The following PRIM1 variants were observed in gnomAD, a reference collection of about 807,000 sequenced individuals.
PRIM1 encodes DNA primase small subunit.
PRIM1 carries 38 observed loss-of-function variants against 60.2 expected under a neutral mutation model. The ratio of observed to expected loss-of-function variants is 0.63; its 90% CI spans 0.49 to 0.83. The LOEUF is 0.83. Among genes scored for constraint, PRIM1 ranks in the 40% least tolerant of loss-of-function variants. The pLI, the probability that PRIM1 is intolerant of heterozygous loss-of-function variation, is 0.00. For missense variants in PRIM1, 388 were observed against 506.2 expected (o/e 0.77, Z 2.24); for synonymous variants, 158 against 160.2 (o/e 0.99, Z 0.10).
intron 7 of PRIM1, 78 bp downstream of exon 7, chr12:56,742,909 A>C: frequency 9.3e-7 from 1 of 1,071,140 alleles, no homozygotes; most frequent in Non-Finnish European, 1.3e-6. Context: ...GAGAACTTAC[A>C]AGCAGACATG....
intron 12 of PRIM1, 83 bp from the exon 13 acceptor site, chr12:56,731,817 A>G (rs1953787334): frequency 8.7e-7 from 1 of 1,148,990 alleles, no homozygotes; most frequent in Non-Finnish European, 1.2e-6. Context: ...TTTTTGCCTA[A>G]TGCTTCTATT....
intron 2 of PRIM1, among the ~76,000 whole-genome samples, chr12:56,750,007 G>T (rs1953935033): frequency 2.0e-5 from 3 of 152,150 alleles, no homozygotes; most frequent in African/African-American, 7.2e-5. Flanking sequence ...TCACTGAGAA[G>T]GTGCTATTTG....
At chr12:56,748,007 GA>G (rs561458889) in intron 2 of PRIM1, among the ~76,000 whole-genome samples, 213 of 146,400 alleles carry the variant, frequency 1.5e-3, no homozygotes, top group African/African-American at 2.9e-3. Context: ...TTGACTGAAG[GA>G]AAAAAAAAAG....
chr12:56,732,534 C>T (rs1428394007), intron 12 of PRIM1, among the ~76,000 whole-genome samples: 1 of 152,132 alleles, frequency 6.6e-6, no homozygotes, highest in Non-Finnish European at 1.5e-5. Context: ...CATGGCATTC[C>T]CTTCCTCAGA....
At chr12:56,742,558 A>G (rs112729296) in intron 7 of PRIM1, among the ~76,000 whole-genome samples, 1 of 152,104 alleles carries the variant, frequency 6.6e-6, no homozygotes, top group Non-Finnish European at 1.5e-5. Flanking sequence ...GCAACACAGT[A>G]TAAGACTCCG....
intron 2 of PRIM1, among the ~76,000 whole-genome samples, chr12:56,748,618 C>A (rs1466355736): frequency 6.8e-6 from 1 of 146,588 alleles, no homozygotes; most frequent in African/African-American, 2.5e-5. Flanking sequence ...CAGAGCGAGA[C>A]TCTGTCTCAA....
At chr12:56,731,980 C>G (rs1387710461) in intron 12 of PRIM1, among the ~76,000 whole-genome samples, 4 of 152,180 alleles carry the variant, frequency 2.6e-5, no homozygotes, top group Admixed American at 2.6e-4. Context: ...AGTTGTTGTT[C>G]ATCCAATAAT....
chr12:56,742,135 C>T (rs1953876870), intron 7 of PRIM1: 1 of 351,676 alleles, frequency 2.8e-6, no homozygotes, highest in Non-Finnish European at 5.4e-6. Context: ...CATCTGTAAT[C>T]CTAGCTACTC....
rs781689934 is a variant in PRIM1 at position 56,746,201 on chromosome 12, T to C, written c.443-20A>G. On this transcript the variant is annotated intron_variant, in intron 4 of 12. Coordinates refer to ENST00000338193, the MANE Select transcript of PRIM1 (RefSeq NM_000946.3). ...AGTCCTCTGAGGAAGAGAGAAATAA[T>C]AGGTTTTAAAACAAATCTATAAACT... is the stretch of plus-strand genomic sequence containing the variant. The C allele has an allele frequency of 1.2e-6, 2 of 1,604,396 alleles. No homozygotes were observed. The highest frequency in any genetic ancestry group is 1.7e-6 in the Non-Finnish European group (2 of 1,175,186).
chr12:56,745,110 A>C (rs1289556056), intron 5 of PRIM1, among the ~76,000 whole-genome samples: 1 of 151,648 alleles, frequency 6.6e-6, no homozygotes, highest in Non-Finnish European at 1.5e-5. Flanking sequence ...CCGTCTCAAA[A>C]AAAAAAAAAA....
At chr12:56,746,393 G>A (rs1190949344) in intron 4 of PRIM1, 3 of 700,078 alleles carry the variant, frequency 4.3e-6, no homozygotes, top group Middle Eastern at 2.5e-4. Context: ...AGCACTCTGG[G>A]AGGCCGAGGT....
At chr12:56,732,113 T>C (rs1295576916) in intron 12 of PRIM1, among the ~76,000 whole-genome samples, 4 of 152,226 alleles carry the variant, frequency 2.6e-5, no homozygotes, top group Non-Finnish European at 5.9e-5. Flanking sequence ...GTCACAGTTT[T>C]CTAGAGTAGC....
Position 56,732,384 on chromosome 12 carries a change from C to G in PRIM1, c.1244-650G>C, listed in dbSNP as rs563120153. On this transcript the variant is annotated intron_variant, in intron 12 of 12. Coordinates refer to ENST00000338193, the MANE Select transcript of PRIM1 (RefSeq NM_000946.3). ...CTTCACTTCTAAATCATTAGCAAGT[C>G]TCAAGGATGGTTCCAGTATTTGCAC... Among the ~76,000 whole-genome samples, 36 of 152,288 alleles carry G rather than the reference C, an allele frequency of 2.4e-4. No homozygotes were observed. The South Asian group carries it at 6.0e-3, about 25-fold the overall frequency.
At chr12:56,749,286 G>T (rs1233705379) in intron 2 of PRIM1, among the ~76,000 whole-genome samples, 1 of 152,142 alleles carries the variant, frequency 6.6e-6, no homozygotes, top group South Asian at 2.1e-4. Flanking sequence ...TAGAGTTACA[G>T]GTGTGAACCA....
At chr12:56,744,715 T>C (rs995454227) in intron 5 of PRIM1, among the ~76,000 whole-genome samples, 2 of 151,848 alleles carry the variant, frequency 1.3e-5, no homozygotes, top group Admixed American at 6.6e-5. Flanking sequence ...TCTGGGTCTG[T>C]GTAAGTATAC....
chr12:56,734,936 C>T (rs1259130219), intron 11 of PRIM1, among the ~76,000 whole-genome samples: 3 of 150,038 alleles, frequency 2.0e-5, no homozygotes, highest in Non-Finnish European at 4.4e-5. Context: ...CTCAGCCTCC[C>T]GACTAGCTGG....
In PRIM1 at chr12:56,739,358, T is replaced by G. The variant is rs1031989381; in HGVS notation, c.988A>C (p.Ile330Leu). ...PFSVHPKTGR[I>L]SVPIDLQKVD... is the part of the protein sequence containing the mutation. ...TTCTGCAAATCAATAGGCACAGATA[T>G]GCGACCTGTAAGACACAAAAGTTAT... is the stretch of plus-strand genomic sequence containing the variant. Residue 330 changes from isoleucine to leucine, a missense_variant, in exon 10 of 13, where the codon ATA becomes CTA. By Grantham distance (5) the Ile-to-Leu change is conservative. This residue lies in a region of PRIM1 where 211 missense variants were observed against 277.9 expected (regional missense o/e 0.76). Transcript: ENST00000338193. 3 of 1,560,906 alleles carry G rather than the reference T, an allele frequency of 1.9e-6. No individual in the cohort carries two copies. The South Asian group carries it at 3.6e-5, about 18-fold the overall frequency.
rs769491492 is a variant in PRIM1 at position 56,746,867 on chromosome 12, C to G, written c.369-13G>C. 2.5e-6 allele frequency: 4 copies of G among 1,613,722 alleles called. No homozygotes were observed. Among genetic ancestry groups the G allele is most frequent in the Non-Finnish European group, 3.4e-6 (4 of 1,179,704 alleles). Reference sequence around the variant, plus strand: ...TATGTCTGCAGAACTAAAGCAGAGTCATCATTACTCATTGTCAGTGATACC... The same window carrying G: ...TATGTCTGCAGAACTAAAGCAGAGTGATCATTACTCATTGTCAGTGATACC... On this transcript the variant is annotated splice_polypyrimidine_tract_variant and intron_variant, in intron 3 of 12. Coordinates refer to ENST00000338193, the MANE Select transcript of PRIM1 (RefSeq NM_000946.3).
intron 6 of PRIM1, among the ~76,000 whole-genome samples, chr12:56,743,356 G>A (rs891507242): frequency 4.6e-5 from 7 of 152,140 alleles, no homozygotes; most frequent in Non-Finnish European, 8.8e-5. Flanking sequence ...CAACTTAGAA[G>A]GTTAATATAC....
Sources: gnomAD v4.1 joint callset for allele counts (sites outside exome capture counted in the v4.1 genomes callset) on GRCh38, gnomAD v4.1.1 for gene constraint, gnomAD v4.1.1 regional missense constraint, MANE v1.5 for transcripts, NCBI Gene and HGNC (gene_info 2026-07-23, HGNC 2026-07-21) for gene names.